Variants in RORA observed in about 807,000 individuals in gnomAD.
The protein encoded by RORA is nuclear receptor ROR-alpha.
In RORA, 7 loss-of-function variants were observed where a neutral mutation model predicts 69.5. The observed-to-expected ratio is 0.10, with a 90% CI of 0.06 to 0.19. The LOEUF is 0.19. Ranked by LOEUF, RORA falls within the 10% of genes least tolerant of loss-of-function variation. The probability of loss-of-function intolerance (pLI) is 1.00; values close to 1 mark genes in which losing one functional copy is unlikely to be tolerated. For missense variants in RORA, 457 were observed against 663.0 expected, an observed-to-expected ratio of 0.69 and a Z score of 3.41; for synonymous variants, 261 against 240.8, an observed-to-expected ratio of 1.08 and a Z score of -0.78.
chr15:61,200,728 G>A (rs2140925958), intron 1 of RORA, among the ~76,000 whole-genome samples: 1 of 152,238 alleles, frequency 6.6e-6, no homozygotes, highest in African/African-American at 2.4e-5. Context: ...GTTCAATGCT[G>A]TCCTTTTGGC....
intron 1 of RORA, among the ~76,000 whole-genome samples, chr15:60,743,844 GTCTT>G (rs1196528513): frequency 6.6e-6 from 1 of 152,190 alleles, no homozygotes; most frequent in Non-Finnish European, 1.5e-5. Flanking sequence ...TTTCCCTCTT[GTCTT>G]CTAGGGAGAA....
intron 1 of RORA, among the ~76,000 whole-genome samples, chr15:61,109,734 T>C (rs1189634986): frequency 1.3e-5 from 2 of 152,226 alleles, no homozygotes; most frequent in Non-Finnish European, 2.9e-5. Context: ...AATGTTCACA[T>C]CCTAACTCCA....
At chr15:61,216,491 A>T (rs917781159) in intron 1 of RORA, among the ~76,000 whole-genome samples, 1 of 10,594 alleles carries the variant, frequency 9.4e-5, no homozygotes, top group African/African-American at 1.9e-4. Context: ...AGCTTCTCCG[A>T]TGTGATTTTT....
intron 1 of RORA, among the ~76,000 whole-genome samples, chr15:60,750,298 G>A (rs761652670): frequency 3.3e-5 from 5 of 152,142 alleles, no homozygotes; most frequent in African/African-American, 1.2e-4. Context: ...CCATGCCACT[G>A]GTCTCCTCAA....
intron 1 of RORA, among the ~76,000 whole-genome samples, chr15:60,822,024 G>T (rs2072899679): frequency 6.6e-6 from 1 of 152,016 alleles, no homozygotes; most frequent in South Asian, 2.1e-4. Context: ...CGGAATTTTA[G>T]AACTAAAAAA....
At chr15:60,706,780 A>T (rs908697638) in intron 1 of RORA, among the ~76,000 whole-genome samples, 1 of 152,234 alleles carries the variant, frequency 6.6e-6, no homozygotes, top group South Asian at 2.1e-4. Context: ...AAGCCGAAGT[A>T]GCACTTCCTA....
intron 1 of RORA, among the ~76,000 whole-genome samples, chr15:60,883,303 T>C (rs765255214): frequency 6.6e-6 from 1 of 152,102 alleles, no homozygotes; most frequent in Non-Finnish European, 1.5e-5. Context: ...GTGGTACAAA[T>C]AGGGACTCTT....
chr15:60,789,551 C>A (rs2072386652), intron 1 of RORA, among the ~76,000 whole-genome samples: 1 of 152,218 alleles, frequency 6.6e-6, no homozygotes, highest in Non-Finnish European at 1.5e-5. Flanking sequence ...TCTTGATAAT[C>A]TATATGTATG....
intron 1 of RORA, among the ~76,000 whole-genome samples, chr15:61,022,601 C>G (rs1296314928): frequency 1.3e-5 from 2 of 152,100 alleles, no homozygotes; most frequent in African/African-American, 4.8e-5. Context: ...ATATTCAGAG[C>G]CCCGCCGTGA....
At chr15:60,970,160 T>A (rs765622733) in intron 1 of RORA, among the ~76,000 whole-genome samples, 49 of 152,198 alleles carry the variant, frequency 3.2e-4, no homozygotes, top group Admixed American at 5.9e-4. Context: ...CCTCCAGAAC[T>A]GTAAGAAATA....
intron 1 of RORA, among the ~76,000 whole-genome samples, chr15:60,777,833 G>A (rs180679304): frequency 8.1e-4 from 124 of 152,302 alleles, no homozygotes; most frequent in African/African-American, 2.9e-3. Context: ...GTATTGAACT[G>A]CTGAGCAAGG....
At chr15:60,671,774 A>G (rs2070477371) in intron 2 of RORA, among the ~76,000 whole-genome samples, 2 of 151,210 alleles carry the variant, frequency 1.3e-5, no homozygotes, top group South Asian at 4.2e-4. Context: ...ACCACTCCTG[A>G]CTAATTTTTG....
chr15:60,676,610 T>A (rs1420875791), intron 2 of RORA, among the ~76,000 whole-genome samples: 1 of 152,200 alleles, frequency 6.6e-6, no homozygotes, highest in African/African-American at 2.4e-5. Flanking sequence ...TTTTCACAGT[T>A]AGAAAGGCAC....
At chr15:60,763,065 ATTTTTTT>A (rs374433414) in intron 1 of RORA, among the ~76,000 whole-genome samples, 1,045 of 48,386 alleles carry the variant, frequency 0.022, 21 homozygotes, top group Middle Eastern at 0.078. Flanking sequence ...ATATGCACAG[ATTTTTTT>A]TTTTTTTTTT....
In RORA at chr15:60,493,559, A is replaced by C. The variant is rs1387256409; in HGVS notation, c.*3896T>G. The C allele has an allele frequency of 6.6e-6, 1 of 152,186 alleles. No homozygotes were observed. Among genetic ancestry groups the C allele is most frequent in the Non-Finnish European group, 1.5e-5 (1 of 68,032 alleles). 9.4% of individuals were successfully genotyped at this position (152,186 alleles called of 1,614,324 possible). A position where few individuals can be genotyped will look rare whatever the true frequency, so the allele number is the denominator to read the frequency against. On this transcript the variant is annotated 3_prime_UTR_variant, in exon 11 of 11. Coordinates refer to ENST00000335670, the MANE Select transcript of RORA (RefSeq NM_134261.3). ...CCTTAGTCTAAAACTAAAAACACAC[A>C]TTTCTACTATGGCACATTCAATGAA...
intron 1 of RORA, among the ~76,000 whole-genome samples, chr15:61,104,396 C>A (rs1467331512): frequency 6.6e-6 from 1 of 152,156 alleles, no homozygotes; most frequent in Non-Finnish European, 1.5e-5. Flanking sequence ...CAACAGCTTG[C>A]AAACACAACA....
intron 1 of RORA, among the ~76,000 whole-genome samples, chr15:60,842,853 C>G (rs1258099690): frequency 6.6e-6 from 1 of 152,172 alleles, no homozygotes; most frequent in Non-Finnish European, 1.5e-5. Context: ...AGAAGACACG[C>G]AGCCCAGGAA....
chr15:61,007,762 A>C (rs1472021146), intron 1 of RORA, among the ~76,000 whole-genome samples: 1 of 148,226 alleles, frequency 6.7e-6, no homozygotes, highest in African/African-American at 2.4e-5. Flanking sequence ...GTTATATATT[A>C]TATATAACAT....
intron 1 of RORA, among the ~76,000 whole-genome samples, chr15:61,207,456 C>G (rs910226613): frequency 6.6e-6 from 1 of 152,174 alleles, no homozygotes; most frequent in African/African-American, 2.4e-5. Flanking sequence ...TAGCTAGAAG[C>G]TCAGCAAATG....
Sources: gnomAD v4.1 joint callset for allele counts (sites outside exome capture counted in the v4.1 genomes callset) on GRCh38, gnomAD v4.1.1 for gene constraint, MANE v1.5 for transcripts, NCBI Gene and HGNC (gene_info 2026-07-23, HGNC 2026-07-21) for gene names.